Variants in UGT8 observed in about 807,000 individuals in gnomAD.
UGT8 encodes the protein 2-hydroxyacylsphingosine 1-beta-galactosyltransferase.
UGT8 carries 12 observed loss-of-function variants against 40.5 expected under a neutral mutation model. The observed-to-expected ratio is 0.30, with a 90% CI of 0.19 to 0.48. The LOEUF is 0.48. Ranked by LOEUF, UGT8 falls within the 20% of genes least tolerant of loss-of-function variation. UGT8 has a pLI of 0.99. For synonymous variants in UGT8, 224 were observed against 240.4 expected, an observed-to-expected ratio of 0.93 and a Z score of 0.63; for missense variants, 513 against 648.7, an observed-to-expected ratio of 0.79 and a Z score of 2.27.
chr4:114,670,869 C>G (rs933104443), intron 5 of UGT8, among the ~76,000 whole-genome samples: 5 of 152,150 alleles, frequency 3.3e-5, no homozygotes, highest in African/African-American at 2.4e-5. Context: ...GAGAGGAAGT[C>G]AAATTGTCTC....
rs745419490 is a variant in UGT8 at position 114,623,170 on chromosome 4, G to A, written c.290G>A (p.Arg97Lys). ...QSKMRNIFSG[R>K]LTAIELFDIL... ...AAGATGCGGAATATTTTCTCTGGGA[G>A]ATTGACAGCAATCGAACTGTTTGAC... The change falls in exon 2 of 6, where the codon AGA (arginine) becomes AAA (lysine). Residue 97 changes from arginine to lysine, a missense_variant. This residue lies in a region of UGT8 where 335 missense variants were observed against 444.8 expected (regional missense o/e 0.75). Transcript: ENST00000310836. The A allele has an allele frequency of 8.1e-6, 13 of 1,614,006 alleles. No homozygotes were observed. Among genetic ancestry groups the A allele is most frequent in the Non-Finnish European group, 1.1e-5 (13 of 1,180,024 alleles).
In UGT8 at chr4:114,631,796, G is replaced by A. The variant is rs535507801; in HGVS notation, c.822+8094G>A. Among the ~76,000 whole-genome samples, 13 of 152,218 alleles carry A rather than the reference G, an allele frequency of 8.5e-5. No homozygotes were observed. In the South Asian group the frequency reaches 2.7e-3, roughly 32 times the overall value. ...ATTTTGTATGAGAATCTTTTTTCTG[G>A]TAATTAAAGATTTTCTCTGTTTTAG... On this transcript the variant is annotated intron_variant, in intron 2 of 5. Coordinates refer to ENST00000310836, the MANE Select transcript of UGT8 (RefSeq NM_001128174.3).
chr4:114,650,354 T>G (rs1379159403), intron 2 of UGT8, among the ~76,000 whole-genome samples: 1 of 152,184 alleles, frequency 6.6e-6, no homozygotes, highest in Non-Finnish European at 1.5e-5. Context: ...ATTTTTTGAA[T>G]TTTTGCATGA....
intron 2 of UGT8, among the ~76,000 whole-genome samples, chr4:114,640,815 C>T (rs768910041): frequency 7.2e-5 from 11 of 152,148 alleles, no homozygotes; most frequent in Non-Finnish European, 1.3e-4. Flanking sequence ...GAGAACAGCA[C>T]GGGAAAGACT....
intron 2 of UGT8, among the ~76,000 whole-genome samples, chr4:114,655,560 A>C (rs1028350151): frequency 5.3e-5 from 8 of 152,060 alleles, no homozygotes; most frequent in Non-Finnish European, 1.0e-4. Context: ...CAACTACATT[A>C]TTTTTAAAAC....
chr4:114,654,258 G>T (rs953080233), intron 2 of UGT8, among the ~76,000 whole-genome samples: 1 of 151,880 alleles, frequency 6.6e-6, no homozygotes, highest in Non-Finnish European at 1.5e-5. Flanking sequence ...GTGACTGTTG[G>T]TTATGTTCTA....
At chr4:114,669,273 T>C (rs1332753441) in intron 5 of UGT8, among the ~76,000 whole-genome samples, 9 of 152,158 alleles carry the variant, frequency 5.9e-5, no homozygotes, top group Non-Finnish European at 1.0e-4. Context: ...GCTCTGCCAT[T>C]GGAGCAATGT....
chr4:114,601,224 C>T (rs1730423562), intron 1 of UGT8, among the ~76,000 whole-genome samples: 1 of 152,084 alleles, frequency 6.6e-6, no homozygotes, highest in Non-Finnish European at 1.5e-5. Context: ...AACTACTTTT[C>T]GTTTAAAGAT....
rs553846732 is a variant in UGT8 at position 114,650,230 on chromosome 4, C to G, written c.823-13765C>G. On this transcript the variant is annotated intron_variant, in intron 2 of 5. Transcript: ENST00000310836. ...CTGGCAATTGGCTTGCCTTGGAGAC[C>G]TTTTCCAAGCATCTTATCTGCATGT... Among the ~76,000 whole-genome samples, 69 of 152,278 alleles carry G rather than the reference C, an allele frequency of 4.5e-4. No individual in the cohort carries two copies. The South Asian group carries it at 0.013, about 29-fold the overall frequency.
Position 114,676,396 on chromosome 4 carries a change from A to G in UGT8, c.*108A>G, listed in dbSNP as rs929499429. 4 of 928,644 alleles carry G rather than the reference A, an allele frequency of 4.3e-6. No homozygotes were observed. The highest frequency in any genetic ancestry group is 3.3e-5 in the African/African-American group (2 of 60,344). 57.5% of individuals were successfully genotyped at this position (928,644 alleles called of 1,614,324 possible). A position where few individuals can be genotyped will look rare whatever the true frequency, so the allele number is the denominator to read the frequency against. On this transcript the variant is annotated 3_prime_UTR_variant, in exon 6 of 6. Transcript: ENST00000310836. ...TAAAACATCAGTAAACAATTCTAAC[A>G]TGCCCTTATGAGATCTACTAATGAA...
chr4:114,613,825 T>C (rs1418501741), intron 1 of UGT8, among the ~76,000 whole-genome samples: 4 of 152,136 alleles, frequency 2.6e-5, no homozygotes, highest in Non-Finnish European at 4.4e-5. Flanking sequence ...GAACCTGTAT[T>C]TTTAGTAAGT....
At chr4:114,650,383 G>C (rs1001942280) in intron 2 of UGT8, among the ~76,000 whole-genome samples, 6 of 152,126 alleles carry the variant, frequency 3.9e-5, no homozygotes, top group Admixed American at 3.3e-4. Flanking sequence ...TCAGAACTTG[G>C]TGATGACTTG....
At chr4:114,661,856 T>G (rs957313433) in intron 2 of UGT8, among the ~76,000 whole-genome samples, 1 of 152,214 alleles carries the variant, frequency 6.6e-6, no homozygotes, top group Non-Finnish European at 1.5e-5. Flanking sequence ...TTTTCTACTC[T>G]TTCACGTATC....
intron 5 of UGT8, among the ~76,000 whole-genome samples, chr4:114,670,430 CAAAAAAAAAAA>C (rs70964319): frequency 1.7e-5 from 1 of 57,330 alleles, no homozygotes; most frequent in African/African-American, 9.6e-5. Flanking sequence ...GACTCTGTCT[CAAAAAAAAAAA>C]AAAAAAAAAA....
chr4:114,621,735 A>C (rs116676761), intron 1 of UGT8, among the ~76,000 whole-genome samples: 135 of 152,314 alleles, frequency 8.9e-4, no homozygotes, highest in African/African-American at 3.1e-3. Context: ...AGCCTTATCA[A>C]AATGTTATTT....
chr4:114,602,224 C>T (rs528626096), intron 1 of UGT8, among the ~76,000 whole-genome samples: 1 of 152,078 alleles, frequency 6.6e-6, no homozygotes, highest in South Asian at 2.1e-4. Context: ...TATGATAGGC[C>T]CAGATCGTCT....
At chr4:114,663,661 G>A in intron 2 of UGT8, 1 of 983,268 alleles carries the variant, frequency 1.0e-6, no homozygotes, top group Non-Finnish European at 1.2e-6. Context: ...TTTTGTTTGT[G>A]TCTGCATACA....
intron 5 of UGT8, among the ~76,000 whole-genome samples, chr4:114,672,397 A>G (rs747740711): frequency 3.3e-5 from 5 of 152,224 alleles, no homozygotes; most frequent in Non-Finnish European, 7.3e-5. Context: ...CAATTATAAT[A>G]GCAAACACAT....
Position 114,676,501 on chromosome 4 carries a change from A to T in UGT8, c.*213A>T. On this transcript the variant is annotated 3_prime_UTR_variant, in exon 6 of 6. Coordinates refer to ENST00000310836, the MANE Select transcript of UGT8 (RefSeq NM_001128174.3). ...ATTTTATTCAAATACTGATGTAGAG[A>T]GTTTTGGCACTGAACCTTTTAGAAG... 1 of 469,356 alleles carries T rather than the reference A, an allele frequency of 2.1e-6. No individual in the cohort carries two copies. Among genetic ancestry groups the T allele is most frequent in the Non-Finnish European group, 3.7e-6 (1 of 268,888 alleles). The allele number at this position is 469,356 out of a possible 1,614,324, so 29.1% of individuals were successfully genotyped here.
Sources: allele counts gnomAD v4.1 joint callset (sites outside exome capture counted in the v4.1 genomes callset), GRCh38; gene constraint gnomAD v4.1.1; regional missense constraint gnomAD v4.1.1; transcripts MANE v1.5; gene names NCBI Gene and HGNC (gene_info 2026-07-23, HGNC 2026-07-21).